The following BIN1 variants were observed in gnomAD, a reference collection of about 807,000 sequenced individuals.
The protein encoded by BIN1 is bridging integrator 1.
A neutral mutation model predicts 82.0 loss-of-function variants in BIN1; 53 were observed. That is an observed-to-expected ratio of 0.65 (90% CI 0.52 to 0.81). The LOEUF is 0.81. BIN1 is among the 40% of genes least tolerant of loss of function. BIN1 has a pLI of 0.00. For missense variants in BIN1, 642 were observed against 784.4 expected, an observed-to-expected ratio of 0.82 and a Z score of 2.17; for synonymous variants, 302 against 328.0, an observed-to-expected ratio of 0.92 and a Z score of 0.86.
At position 127,068,857 on chromosome 2, in the gene BIN1, G is replaced by C. The variant is rs1244795482; in HGVS notation, c.519+67C>G. On this transcript the variant is annotated intron_variant, in intron 6 of 18. Coordinates refer to ENST00000316724, the MANE Select transcript of BIN1 (RefSeq NM_139343.3). The surrounding 1 kb of genome is among the most constrained non-coding windows in gnomAD (Gnocchi z 4.9). The stretch of plus-strand genomic sequence containing the variant: ...AGGCAGGAGGAAGCCTCCACCCTCG[G>C]GGTCCTAGACACCCGCCCTCTCTCA... 2.7e-6 allele frequency: 4 copies of C among 1,461,488 alleles called. No individual in the cohort carries two copies. The highest frequency in any genetic ancestry group is 3.8e-6 in the Non-Finnish European group (4 of 1,044,446). 90.5% of individuals were successfully genotyped at this position (1,461,488 alleles called of 1,614,324 possible).
Position 127,093,783 on chromosome 2 carries a change from G to A in BIN1, c.84+13077C>T, listed in dbSNP as rs796899249. On this transcript the variant is annotated intron_variant, in intron 1 of 18. Coordinates refer to ENST00000316724, the MANE Select transcript of BIN1 (RefSeq NM_139343.3). This position sits in a 1 kb window ranked among gnomAD's most constrained non-coding sequence, Gnocchi z 5.7. ...TGTGGCCCTTATGATGGGTGAGAAC[G>A]ATACCACACGTTTCCGCCCCTGCCG... 1.3e-5 allele frequency among the ~76,000 whole-genome samples: 2 copies of A among 152,292 alleles called. No homozygotes were observed. The highest frequency in any genetic ancestry group is 4.8e-5 in the African/African-American group (2 of 41,552).
At chr2:127,056,498 C>G (rs1683689229) in intron 12 of BIN1, 1 of 152,618 alleles carries the variant, frequency 6.6e-6, no homozygotes, top group Non-Finnish European at 1.5e-5. Context: ...GTTCGCAGTT[C>G]CCAGCGGCCA....
At chr2:127,100,672 G>A (rs933956413) in intron 1 of BIN1, among the ~76,000 whole-genome samples, 1 of 152,208 alleles carries the variant, frequency 6.6e-6, no homozygotes, top group Non-Finnish European at 1.5e-5. Flanking sequence ...AGCAGGAAGA[G>A]CCTGCCTTTC....
Position 127,082,789 on chromosome 2 carries a change from G to C in BIN1, c.85-6083C>G, listed in dbSNP as rs1687463360. Among the ~76,000 whole-genome samples the C allele has an allele frequency of 1.3e-5, 2 of 151,892 alleles. No homozygotes were observed. The highest frequency in any genetic ancestry group is 3.2e-3 in the Middle Eastern group (1 of 316). ...ACACCTCCCCATCCCCACTCCGACA[G>C]TGGAGCCACCTAAGCCTGCTCCCCA... On this transcript the variant is annotated intron_variant, in intron 1 of 18. Coordinates refer to ENST00000316724, the MANE Select transcript of BIN1 (RefSeq NM_139343.3). This position sits in a 1 kb window ranked among gnomAD's most constrained non-coding sequence, Gnocchi z 6.1.
intron 1 of BIN1, among the ~76,000 whole-genome samples, chr2:127,080,086 C>T (rs1687102442): frequency 6.6e-6 from 1 of 152,280 alleles, no homozygotes; most frequent in Non-Finnish European, 1.5e-5. Context: ...CACATGCCAT[C>T]CTCACTGCAC....
At position 127,048,429 on chromosome 2, in the gene BIN1, C is replaced by CA. The variant is rs1293417665; in HGVS notation, c.*96dup. 82 of 1,233,768 alleles carry CA rather than the reference C, an allele frequency of 6.6e-5. 1 individual carries two copies. In the Admixed American group the frequency reaches 1.4e-3, roughly 21 times the overall value. 76.4% of individuals were successfully genotyped at this position (1,233,768 alleles called of 1,614,324 possible). A position where few individuals can be genotyped will look rare whatever the true frequency, so the allele number is the denominator to read the frequency against. On this transcript the variant is annotated 3_prime_UTR_variant, in exon 19 of 19. Transcript: ENST00000316724. ...CTCCTCTTGATTTCCCTTTGCTCTT[C>CA]AAAAGATGAAAAACGAAAACAAAAC...
intron 1 of BIN1, among the ~76,000 whole-genome samples, chr2:127,102,752 C>T (rs935368295): frequency 3.9e-5 from 6 of 152,342 alleles, no homozygotes; most frequent in African/African-American, 1.4e-4. Flanking sequence ...CACACCTGGG[C>T]CCACCCACAG....
chr2:127,049,602 G>A (rs1039071710), intron 18 of BIN1, among the ~76,000 whole-genome samples: 13 of 152,292 alleles, frequency 8.5e-5, no homozygotes, highest in African/African-American at 2.6e-4. Flanking sequence ...GGAAGAAGCC[G>A]GCCAGGCCCT....
chr2:127,078,257 T>A (rs988251678), intron 1 of BIN1, among the ~76,000 whole-genome samples: 1 of 152,220 alleles, frequency 6.6e-6, no homozygotes, highest in African/African-American at 2.4e-5. Context: ...GCACTTGCTC[T>A]GTGCCTGGCC....
intron 1 of BIN1, among the ~76,000 whole-genome samples, chr2:127,104,229 C>T (rs779786987): frequency 6.6e-5 from 10 of 152,238 alleles, no homozygotes; most frequent in Non-Finnish European, 1.2e-4. Context: ...TCACTAAGCA[C>T]CGACTGGGGC....
Position 127,059,299 on chromosome 2 carries a change from A to T in BIN1, c.858-144T>A. The T allele has an allele frequency of 1.7e-6, 1 of 604,542 alleles. No homozygotes were observed. The highest frequency in any genetic ancestry group is 2.6e-6 in the Non-Finnish European group (1 of 384,858). The allele number at this position is 604,542 out of a possible 1,614,324, so 37.4% of individuals were successfully genotyped here. On this transcript the variant is annotated intron_variant, in intron 10 of 18. Transcript: ENST00000316724. This position sits in a 1 kb window ranked among gnomAD's most constrained non-coding sequence, Gnocchi z 6.7. ...GTGTGTGTGTGTGTGTGTGTATGTG[A>T]GAGAGAGCAGGAGGGTGGGGGGAGC...
At chr2:127,056,955 C>T (rs1265016741) in intron 12 of BIN1, among the ~76,000 whole-genome samples, 1 of 152,232 alleles carries the variant, frequency 6.6e-6, no homozygotes, top group Non-Finnish European at 1.5e-5. Flanking sequence ...AGACCCAAGC[C>T]CCCCTGGGTG....
chr2:127,098,098 G>A (rs963197461), intron 1 of BIN1, among the ~76,000 whole-genome samples: 14 of 152,244 alleles, frequency 9.2e-5, no homozygotes, highest in Admixed American at 2.0e-4. Flanking sequence ...ATGACAGAAT[G>A]ACTTAGGGTG....
At chr2:127,100,776 G>A (rs937741156) in intron 1 of BIN1, among the ~76,000 whole-genome samples, 1 of 152,096 alleles carries the variant, frequency 6.6e-6, no homozygotes, top group Non-Finnish European at 1.5e-5. Flanking sequence ...CAGAAGCCCG[G>A]GTGCTGGGCC....
At chr2:127,070,975 CCCCTGCCTCAGAAG>C (rs1448143150) in intron 2 of BIN1, among the ~76,000 whole-genome samples, 159 bp from the exon 3 acceptor site, 1 of 152,154 alleles carries the variant, frequency 6.6e-6, no homozygotes, top group Non-Finnish European at 1.5e-5. Flanking sequence ...ACGGTCACCA[CCCCTGCCTCAGAAG>C]CCCTGCGTCC....
chr2:127,090,904 G>C lies in BIN1; in HGVS notation c.85-14198C>G, dbSNP rs564195131. ...CCCTTCACATCACCTCCTCCAGGCA[G>C]CCTTCCCCGACTCCACTCCAGGCAC... On this transcript the variant is annotated intron_variant, in intron 1 of 18. Transcript: ENST00000316724. The surrounding 1 kb of genome is among the most constrained non-coding windows in gnomAD (Gnocchi z 6.4). Among the ~76,000 whole-genome samples, 1 of 152,288 alleles carries C rather than the reference G, an allele frequency of 6.6e-6. No homozygotes were observed. Among genetic ancestry groups the C allele is most frequent in the East Asian group, 1.9e-4 (1 of 5,180 alleles).
chr2:127,103,687 G>C (rs890135775), intron 1 of BIN1, among the ~76,000 whole-genome samples: 2 of 152,140 alleles, frequency 1.3e-5, no homozygotes, highest in Non-Finnish European at 2.9e-5. Context: ...CCCCTCAGCT[G>C]TCCTTCTCCC....
At chr2:127,085,008 G>T (rs983633206) in intron 1 of BIN1, among the ~76,000 whole-genome samples, 4 of 152,186 alleles carry the variant, frequency 2.6e-5, no homozygotes, top group Non-Finnish European at 5.9e-5. Context: ...TCCTGGTGAC[G>T]ATTGAGGCCT....
At chr2:127,066,813 G>A (rs937584804) in intron 7 of BIN1, among the ~76,000 whole-genome samples, 1 of 152,224 alleles carries the variant, frequency 6.6e-6, no homozygotes, top group Admixed American at 6.5e-5. Flanking sequence ...GCTCAGGCCT[G>A]TAATCCCAGC....
Sources: allele counts gnomAD v4.1 joint callset (sites outside exome capture counted in the v4.1 genomes callset), GRCh38; gene constraint gnomAD v4.1.1; non-coding constraint Gnocchi (gnomAD v3.1); transcripts MANE v1.5; gene names NCBI Gene and HGNC (gene_info 2026-07-23, HGNC 2026-07-21).